The following SIPA1L3 variants were observed in gnomAD, a reference collection of about 807,000 sequenced individuals.
SIPA1L3 encodes signal induced proliferation associated 1 like 3, also known as signal-induced proliferation-associated 1-like protein 3.
SIPA1L3 carries 59 observed loss-of-function variants against 150.1 expected under a neutral mutation model. The observed-to-expected ratio is 0.39, with a 90% CI of 0.32 to 0.49. The LOEUF (loss-of-function observed/expected upper bound fraction) is 0.49, where lower values mean the gene tolerates loss of function less well. Ranked by LOEUF, SIPA1L3 falls within the 20% of genes least tolerant of loss-of-function variation. SIPA1L3 has a pLI of 0.86. For synonymous variants in SIPA1L3, 1,070 were observed against 1,077.6 expected, an observed-to-expected ratio of 0.99 and a Z score of 0.14; for missense variants, 2,211 against 2,489.5, an observed-to-expected ratio of 0.89 and a Z score of 2.38.
intron 1 of SIPA1L3, among the ~76,000 whole-genome samples, chr19:37,976,580 G>A (rs1191051552): frequency 6.6e-6 from 1 of 151,982 alleles, no homozygotes; most frequent in Non-Finnish European, 1.5e-5. Context: ...ACTTTTTTAG[G>A]GCCCTGCATT....
chr19:38,147,035 A>G (rs905952812), intron 12 of SIPA1L3, among the ~76,000 whole-genome samples: 3 of 151,958 alleles, frequency 2.0e-5, no homozygotes, highest in Non-Finnish European at 4.4e-5. Context: ...TCACAGAACA[A>G]AAGTTTTTTA....
chr19:38,055,124 G>A (rs149035162), intron 2 of SIPA1L3, among the ~76,000 whole-genome samples: 13 of 152,228 alleles, frequency 8.5e-5, no homozygotes, highest in East Asian at 3.9e-4. Flanking sequence ...CTGGCCTTCC[G>A]TTTCCTTAGC....
intron 3 of SIPA1L3, among the ~76,000 whole-genome samples, chr19:38,088,452 G>A (rs1323916429): frequency 6.6e-6 from 1 of 152,266 alleles, no homozygotes; most frequent in Admixed American, 6.5e-5. Flanking sequence ...TCTCTGAATT[G>A]TGGGTGGCAT....
intron 1 of SIPA1L3, among the ~76,000 whole-genome samples, chr19:37,937,027 AT>A (rs2046606623): frequency 6.6e-6 from 1 of 151,940 alleles, no homozygotes; most frequent in Admixed American, 6.6e-5. Context: ...TGGTTGGCTA[AT>A]TTTTTTCATT....
intron 1 of SIPA1L3, among the ~76,000 whole-genome samples, chr19:37,971,842 C>T (rs1966948899): frequency 6.6e-6 from 1 of 152,098 alleles, no homozygotes; most frequent in Non-Finnish European, 1.5e-5. Context: ...GCTGGGATTA[C>T]AGGTGTGAGC....
At chr19:38,093,483 A>G (rs1306735442) in intron 4 of SIPA1L3, among the ~76,000 whole-genome samples, 20 of 152,242 alleles carry the variant, frequency 1.3e-4, no homozygotes, top group Admixed American at 1.3e-3. Flanking sequence ...CATACCAAGC[A>G]GGCAGTGGGG....
intron 2 of SIPA1L3, among the ~76,000 whole-genome samples, chr19:38,037,638 C>A (rs564972670): frequency 5.9e-5 from 9 of 152,196 alleles, no homozygotes; most frequent in African/African-American, 2.2e-4. Flanking sequence ...GTGAACAAGA[C>A]GACAAATATC....
chr19:38,021,731 A>T (rs1421718537), intron 1 of SIPA1L3, among the ~76,000 whole-genome samples: 1 of 152,142 alleles, frequency 6.6e-6, no homozygotes, highest in Non-Finnish European at 1.5e-5. Context: ...TCTTTAATAG[A>T]GATGGGGTCT....
At chr19:38,171,498 T>C (rs187033578) in intron 15 of SIPA1L3, among the ~76,000 whole-genome samples, 2,531 of 149,914 alleles carry the variant, frequency 0.017, 43 homozygotes, top group Non-Finnish European at 0.021. Flanking sequence ...GTTCAAGCGA[T>C]TCTCCTGCCT....
intron 15 of SIPA1L3, among the ~76,000 whole-genome samples, chr19:38,181,105 G>A (rs1972545672): frequency 6.6e-6 from 1 of 152,130 alleles, no homozygotes; most frequent in African/African-American, 2.4e-5. Flanking sequence ...AGAGGTGGGG[G>A]GAGGACAAAA....
intron 12 of SIPA1L3, among the ~76,000 whole-genome samples, chr19:38,144,994 CAGAG>C (rs1053265578): frequency 2.6e-5 from 4 of 152,188 alleles, no homozygotes; most frequent in African/African-American, 9.6e-5. Context: ...ACAGGAGAAT[CAGAG>C]AGGAATCGGG....
At position 38,007,250 on chromosome 19, in the gene SIPA1L3, C is replaced by T. The variant is rs553223066; in HGVS notation, c.-378-21839C>T. On this transcript the variant is annotated intron_variant, in intron 1 of 21. Coordinates refer to ENST00000222345, the MANE Select transcript of SIPA1L3 (RefSeq NM_015073.3). The stretch of plus-strand genomic sequence containing the variant: ...GACGGATCATTTGAGGTCAGGAGTT[C>T]GAGACCAGCCTGGCCAACATGGTGA... 7.2e-5 allele frequency among the ~76,000 whole-genome samples: 11 copies of T among 152,168 alleles called. No homozygotes were observed. In the South Asian group the frequency reaches 1.0e-3, roughly 14 times the overall value.
chr19:38,074,001 C>A (rs1209826771), intron 2 of SIPA1L3, among the ~76,000 whole-genome samples: 1 of 152,206 alleles, frequency 6.6e-6, no homozygotes, highest in Non-Finnish European at 1.5e-5. Context: ...TTCCATAACC[C>A]GTCCATGACA....
intron 1 of SIPA1L3, among the ~76,000 whole-genome samples, chr19:37,980,259 T>C (rs1036707428): frequency 5.9e-5 from 9 of 152,240 alleles, no homozygotes; most frequent in Non-Finnish European, 1.3e-4. Context: ...CGTAATGATT[T>C]GTATTTTCCC....
chr19:38,177,710 GC>G (rs1972467456), intron 15 of SIPA1L3, among the ~76,000 whole-genome samples: 1 of 151,722 alleles, frequency 6.6e-6, no homozygotes, highest in Non-Finnish European at 1.5e-5. Flanking sequence ...CTTTGCACTG[GC>G]TGCATAGTTT....
chr19:38,018,286 G>A (rs956662822), intron 1 of SIPA1L3, among the ~76,000 whole-genome samples: 4 of 149,650 alleles, frequency 2.7e-5, no homozygotes, highest in Non-Finnish European at 5.9e-5. Flanking sequence ...GCTGCAGCCT[G>A]CAGAGTAGCT....
intron 2 of SIPA1L3, among the ~76,000 whole-genome samples, chr19:38,067,890 C>T (rs1327382073): frequency 6.6e-6 from 1 of 152,224 alleles, no homozygotes; most frequent in African/African-American, 2.4e-5. Context: ...AGCAGAGTCT[C>T]TGCCATGGCA....
intron 20 of SIPA1L3, among the ~76,000 whole-genome samples, chr19:38,202,655 C>G (rs756099245): frequency 2.0e-5 from 3 of 152,186 alleles, no homozygotes; most frequent in Non-Finnish European, 2.9e-5. Flanking sequence ...CTGTGCCTCT[C>G]GTCAGCCCCG....
intron 2 of SIPA1L3, among the ~76,000 whole-genome samples, chr19:38,070,389 A>G (rs1219305461): frequency 6.6e-6 from 1 of 151,982 alleles, no homozygotes; most frequent in Non-Finnish European, 1.5e-5. Context: ...TATGACCTTT[A>G]CAATGCTGGC....
Sources: allele counts gnomAD v4.1 joint callset (sites outside exome capture counted in the v4.1 genomes callset), GRCh38; gene constraint gnomAD v4.1.1; transcripts MANE v1.5; gene names NCBI Gene and HGNC (gene_info 2026-07-23, HGNC 2026-07-21).